Variants in NKAIN3 observed in about 807,000 individuals in gnomAD.
The protein encoded by NKAIN3 is sodium/potassium transporting ATPase interacting 3, also known as sodium/potassium-transporting ATPase subunit beta-1-interacting protein 3.
NKAIN3 carries 25 observed loss-of-function variants against 30.2 expected under a neutral mutation model. The observed-to-expected ratio is 0.83, with a 90% confidence interval of 0.60 to 1.16. NKAIN3 has a LOEUF of 1.16. NKAIN3 is among the 50% of genes most tolerant of loss of function. The pLI is 0.00. For missense variants in NKAIN3, 225 were observed against 254.1 expected (o/e 0.89, Z 0.78); for synonymous variants, 91 against 89.6 (o/e 1.02, Z -0.09).
chr8:62,623,659 A>C (rs1406967852), intron 3 of NKAIN3, among the ~76,000 whole-genome samples: 2 of 152,122 alleles, frequency 1.3e-5, no homozygotes, highest in Non-Finnish European at 2.9e-5. Flanking sequence ...CTTGAAAGGC[A>C]GGTCTGCTGG....
chr8:62,603,402 T>C (rs1040535489), intron 3 of NKAIN3, among the ~76,000 whole-genome samples: 2 of 152,156 alleles, frequency 1.3e-5, no homozygotes, highest in African/African-American at 4.8e-5. Context: ...TTGATGAGTA[T>C]TAAGCTGAAG....
intron 3 of NKAIN3, among the ~76,000 whole-genome samples, chr8:62,677,201 G>A (rs563742450): frequency 1.4e-4 from 22 of 152,154 alleles, no homozygotes; most frequent in Non-Finnish European, 2.5e-4. Flanking sequence ...AGGTAGGGAC[G>A]CAGGGTTAGC....
intron 2 of NKAIN3, among the ~76,000 whole-genome samples, chr8:62,589,262 A>G (rs73257124): frequency 0.017 from 2,652 of 151,916 alleles, 75 homozygotes; most frequent in African/African-American, 0.062. Flanking sequence ...AAGTTTGTTA[A>G]TTTTGTACTC....
At chr8:62,897,372 T>C (rs1262544812) in intron 4 of NKAIN3, among the ~76,000 whole-genome samples, 1 of 9,458 alleles carries the variant, frequency 1.1e-4, no homozygotes, top group Non-Finnish European at 1.4e-4. Flanking sequence ...TTGGTGTAAT[T>C]TTTTTTTTTC....
intron 4 of NKAIN3, among the ~76,000 whole-genome samples, chr8:62,912,661 A>G (rs7000020): frequency 0.77 from 117,180 of 152,096 alleles, 45,953 homozygotes; most frequent in East Asian, 0.98. Flanking sequence ...TCTAATCCCA[A>G]CACTTTGGGA....
intron 1 of NKAIN3, among the ~76,000 whole-genome samples, chr8:62,272,542 G>T (rs972246337): frequency 3.3e-5 from 5 of 152,126 alleles, no homozygotes; most frequent in African/African-American, 7.2e-5. Context: ...ATTCAAAAAA[G>T]ACTTCTTATA....
chr8:62,496,715 G>A (rs1190063352), intron 1 of NKAIN3, among the ~76,000 whole-genome samples: 1 of 152,046 alleles, frequency 6.6e-6, no homozygotes, highest in Non-Finnish European at 1.5e-5. Flanking sequence ...GTTCTGAAAG[G>A]CTATGAAGAC....
At chr8:62,369,633 A>G (rs1372447406) in intron 1 of NKAIN3, among the ~76,000 whole-genome samples, 1 of 152,064 alleles carries the variant, frequency 6.6e-6, no homozygotes, top group Non-Finnish European at 1.5e-5. Flanking sequence ...GAGAAATGGA[A>G]TTGGATTCTT....
chr8:62,799,845 A>G (rs1432219353), intron 4 of NKAIN3, among the ~76,000 whole-genome samples: 1 of 152,220 alleles, frequency 6.6e-6, no homozygotes, highest in Non-Finnish European at 1.5e-5. Context: ...TGTGGCATAT[A>G]TATAGTATGC....
chr8:62,795,195 TCTTATCTG>T (rs1817824161), intron 4 of NKAIN3, among the ~76,000 whole-genome samples: 1 of 152,220 alleles, frequency 6.6e-6, no homozygotes, highest in Non-Finnish European at 1.5e-5. Flanking sequence ...TTTGACTTTT[TCTTATCTG>T]CTGCTAAAAC....
At chr8:62,763,164 T>C (rs1816721744) in intron 4 of NKAIN3, among the ~76,000 whole-genome samples, 1 of 127,400 alleles carries the variant, frequency 7.8e-6, no homozygotes. Context: ...GAGCTTGCAG[T>C]GAACCGAGAT....
At chr8:62,267,736 A>C (rs1414967287) in intron 1 of NKAIN3, among the ~76,000 whole-genome samples, 1 of 152,202 alleles carries the variant, frequency 6.6e-6, no homozygotes, top group Non-Finnish European at 1.5e-5. Flanking sequence ...GATTTTGGTC[A>C]TAGGAAGCAG....
At chr8:62,921,214 G>T (rs1822266079) in intron 5 of NKAIN3, among the ~76,000 whole-genome samples, 1 of 152,112 alleles carries the variant, frequency 6.6e-6, no homozygotes, top group Admixed American at 6.5e-5. Flanking sequence ...ATTTGTCTAA[G>T]TACACTTCTG....
intron 4 of NKAIN3, among the ~76,000 whole-genome samples, chr8:62,803,747 C>G (rs1409096997): frequency 6.6e-6 from 1 of 151,930 alleles, no homozygotes; most frequent in African/African-American, 2.4e-5. Context: ...TAGCAGAAGG[C>G]AAGAAATAAC....
intron 1 of NKAIN3, among the ~76,000 whole-genome samples, chr8:62,310,786 G>C (rs1814402786): frequency 6.7e-6 from 1 of 150,318 alleles, no homozygotes; most frequent in Admixed American, 6.6e-5. Flanking sequence ...GGTTATATAA[G>C]ACCCTGAATC....
intron 4 of NKAIN3, among the ~76,000 whole-genome samples, chr8:62,781,325 G>T (rs1817347127): frequency 6.6e-6 from 1 of 151,684 alleles, no homozygotes. Context: ...TGGGTTGGAA[G>T]AATTTATATC....
chr8:62,567,186 G>A (rs1002654653), intron 1 of NKAIN3, among the ~76,000 whole-genome samples: 1 of 152,066 alleles, frequency 6.6e-6, no homozygotes, highest in African/African-American at 2.4e-5. Flanking sequence ...GGTCACCTAA[G>A]TAATAGGGTT....
At chr8:62,455,493 A>G (rs1029329578) in intron 1 of NKAIN3, among the ~76,000 whole-genome samples, 29 of 152,198 alleles carry the variant, frequency 1.9e-4, no homozygotes, top group African/African-American at 5.1e-4. Context: ...AAAGATGGCA[A>G]TGATAGATAC....
At chr8:62,731,781 G>A (rs1233244230) in intron 3 of NKAIN3, among the ~76,000 whole-genome samples, 1 of 152,180 alleles carries the variant, frequency 6.6e-6, no homozygotes, top group Non-Finnish European at 1.5e-5. Flanking sequence ...ATCAAGGACA[G>A]ACTACCTGAG....
Sources: gnomAD v4.1 joint callset for allele counts (sites outside exome capture counted in the v4.1 genomes callset) on GRCh38, gnomAD v4.1.1 for gene constraint, MANE v1.5 for transcripts, NCBI Gene and HGNC (gene_info 2026-07-23, HGNC 2026-07-21) for gene names.